Variants in PLEKHA7 observed in about 807,000 individuals in gnomAD.
PLEKHA7 encodes the protein pleckstrin homology domain containing A7.
Under a neutral mutation model 170.0 loss-of-function variants are expected in PLEKHA7, and 104 were observed. The observed-to-expected ratio is 0.61, with a 90% CI of 0.52 to 0.72. The LOEUF is 0.72. Among genes scored for constraint, PLEKHA7 ranks in the 30% least tolerant of loss-of-function variants. The pLI, the probability that PLEKHA7 is intolerant of heterozygous loss-of-function variation, is 0.00. For missense variants in PLEKHA7, 1,615 were observed against 1,671.7 expected, an observed-to-expected ratio of 0.97 and a Z score of 0.59; for synonymous variants, 648 against 660.8, an observed-to-expected ratio of 0.98 and a Z score of 0.30.
chr11:16,887,002 C>T (rs12785711), intron 3 of PLEKHA7, among the ~76,000 whole-genome samples: 5,850 of 152,088 alleles, frequency 0.038, 202 homozygotes, highest in African/African-American at 0.085. Context: ...GATAACCTGT[C>T]TTAGGAGCTA....
chr11:16,807,938 A>C lies in PLEKHA7; in HGVS notation c.2008-4643T>G, dbSNP rs1717552694. Among the ~76,000 whole-genome samples the C allele has an allele frequency of 2.0e-5, 3 of 152,250 alleles. No individual in the cohort carries two copies. In the South Asian group the frequency reaches 6.2e-4, roughly 32 times the overall value. On this transcript the variant is annotated intron_variant, in intron 13 of 26. Transcript: ENST00000531066. Reference sequence around the variant, plus strand: ...TGATTCGAATATGCAGCCAGGATTGAGAAGCACTGCCCTAAAACAGGGGCT... The same window carrying C: ...TGATTCGAATATGCAGCCAGGATTGCGAAGCACTGCCCTAAAACAGGGGCT...
intron 16 of PLEKHA7, 46 bp from the exon 17 acceptor site, chr11:16,801,121 C>A (rs1041342648): frequency 2.0e-6 from 3 of 1,528,222 alleles, no homozygotes; most frequent in Non-Finnish European, 2.7e-6. Context: ...TCCCCTGCCC[C>A]CTTGGAAGGC....
Position 16,791,995 on chromosome 11 carries a change from G to C in PLEKHA7, c.2746-796C>G, listed in dbSNP as rs1847893091. Reference sequence around the variant, plus strand: ...AATTCCCTCTTTCTCGGTCTAATTTGGTTTTGTTTTTAAGAATTTTGCAGA... The same window carrying C: ...AATTCCCTCTTTCTCGGTCTAATTTCGTTTTGTTTTTAAGAATTTTGCAGA... On this transcript the variant is annotated intron_variant, in intron 19 of 26. Transcript: ENST00000531066. This position sits in a 1 kb window ranked among gnomAD's most constrained non-coding sequence, Gnocchi z 4.5. Among the ~76,000 whole-genome samples, 1 of 152,062 alleles carries C rather than the reference G, an allele frequency of 6.6e-6. No homozygotes were observed.
At chr11:16,829,284 T>C (rs1212190457) in intron 9 of PLEKHA7, among the ~76,000 whole-genome samples, 1 of 152,100 alleles carries the variant, frequency 6.6e-6, no homozygotes, top group Non-Finnish European at 1.5e-5. Context: ...CAAAGTTTTA[T>C]GATTACAAGC....
chr11:16,854,800 T>C, intron 6 of PLEKHA7, 89 bp downstream of exon 6: 4 of 1,103,110 alleles, frequency 3.6e-6, no homozygotes, highest in Non-Finnish European at 5.5e-6. Flanking sequence ...AAAGCTTATG[T>C]GCCCATCCCT....
chr11:17,003,997 T>C (rs1339963429), intron 3 of PLEKHA7, among the ~76,000 whole-genome samples: 1 of 152,212 alleles, frequency 6.6e-6, no homozygotes, highest in Non-Finnish European at 1.5e-5. Flanking sequence ...AAGGAGTCTC[T>C]CCGCACTCCT....
At chr11:16,956,682 A>T (rs1339137550) in intron 3 of PLEKHA7, among the ~76,000 whole-genome samples, 3 of 152,194 alleles carry the variant, frequency 2.0e-5, no homozygotes, top group African/African-American at 4.8e-5. Context: ...ATTCCAAAGG[A>T]GGTATGAAGT....
intron 16 of PLEKHA7, among the ~76,000 whole-genome samples, 181 bp from the exon 17 acceptor site, chr11:16,801,256 G>A (rs190770037): frequency 1.1e-3 from 165 of 152,328 alleles, no homozygotes; most frequent in Non-Finnish European, 1.9e-4. Context: ...TTTGTGCTCT[G>A]ACCCTGGTCA....
intron 3 of PLEKHA7, among the ~76,000 whole-genome samples, chr11:16,934,902 TTA>T (rs1860181148): frequency 6.6e-6 from 1 of 152,198 alleles, no homozygotes; most frequent in Non-Finnish European, 1.5e-5. Context: ...AAGAGTCTGG[TTA>T]TAATTAGCAC....
intron 3 of PLEKHA7, among the ~76,000 whole-genome samples, chr11:16,911,800 A>G (rs560043405): frequency 9.9e-5 from 15 of 152,254 alleles, no homozygotes; most frequent in African/African-American, 3.6e-4. Context: ...AAAAAAGTTA[A>G]TCCAGTCTCT....
At chr11:16,855,943 T>G in intron 4 of PLEKHA7, 29 bp from the exon 5 acceptor site, 1 of 1,557,914 alleles carries the variant, frequency 6.4e-7, no homozygotes, top group Admixed American at 1.7e-5. Flanking sequence ...TTCCAGTGAG[T>G]AAAAGCCGAG....
chr11:16,786,235 G>A lies in PLEKHA7; in HGVS notation c.3510C>T (p.Ser1170=). ...LEPQDYDLDI[S]RELSKPEKVS... ...AGGAAGTGCCTGCCCTCACCTCTCT[G>A]CTGATGTCCAAGTCATAGTCTTGAG... Residue 1170 remains serine, a synonymous_variant, in exon 24 of 27, where the codon AGC becomes AGT. Coordinates refer to ENST00000531066, the MANE Select transcript of PLEKHA7 (RefSeq NM_001329630.2). 1.3e-6 allele frequency: 2 copies of A among 1,536,130 alleles called. No homozygotes were observed. Among genetic ancestry groups the A allele is most frequent in the Non-Finnish European group, 1.7e-6 (2 of 1,146,912 alleles).
intron 3 of PLEKHA7, among the ~76,000 whole-genome samples, chr11:16,903,867 C>T (rs895287877): frequency 1.3e-5 from 2 of 152,234 alleles, no homozygotes; most frequent in East Asian, 1.9e-4. Flanking sequence ...CACAGTCAGA[C>T]AGCAAACAGG....
intron 3 of PLEKHA7, among the ~76,000 whole-genome samples, chr11:16,904,817 G>A (rs923871180): frequency 2.0e-5 from 3 of 152,118 alleles, no homozygotes; most frequent in Non-Finnish European, 4.4e-5. Flanking sequence ...AATAAGAAAT[G>A]TTTAGACATA....
intron 3 of PLEKHA7, among the ~76,000 whole-genome samples, chr11:16,929,997 C>T (rs947016481): frequency 4.7e-5 from 7 of 149,250 alleles, no homozygotes; most frequent in Non-Finnish European, 8.9e-5. Flanking sequence ...AGTGAGACTC[C>T]GTCTCAAAAA....
rs746401304 is a variant in PLEKHA7, at chr11:16,790,867, C to T, written c.2983G>A (p.Gly995Arg). ...VSEPELATLS[G>R]DMAQPSLGLV... ...CCTAGGGAGGGCTGGGCCATGTCCC[C>T]GCTGAGGGTCGCCAGCTCAGGCTCA... Residue 995 changes from glycine (G) to arginine (R), a missense_variant, in exon 21 of 27, where the codon GGG becomes AGG. Physicochemically the swap from Gly to Arg is moderately radical, Grantham distance 125 (BLOSUM62 -2). Transcript: ENST00000531066. The T allele has an allele frequency of 6.3e-5, 101 of 1,611,162 alleles. No homozygotes were observed. The East Asian group carries it at 1.8e-3, about 29-fold the overall frequency.
intron 3 of PLEKHA7, among the ~76,000 whole-genome samples, chr11:17,010,872 G>A (rs955017768): frequency 1.3e-5 from 2 of 152,094 alleles, no homozygotes; most frequent in African/African-American, 2.4e-5. Flanking sequence ...GGGGGGCGGG[G>A]GATGAGGGAG....
chr11:16,902,645 G>A (rs1288211824), intron 3 of PLEKHA7, among the ~76,000 whole-genome samples: 3 of 151,972 alleles, frequency 2.0e-5, no homozygotes, highest in South Asian at 4.2e-4. Context: ...TATCTTCTTT[G>A]GCCCAGCTTG....
chr11:16,979,878 T>C (rs1302513548), intron 3 of PLEKHA7, among the ~76,000 whole-genome samples: 1 of 152,176 alleles, frequency 6.6e-6, no homozygotes, highest in Non-Finnish European at 1.5e-5. Context: ...CAGGTCTGTG[T>C]ACACAGGCAG....
Sources: allele counts gnomAD v4.1 joint callset (sites outside exome capture counted in the v4.1 genomes callset), GRCh38; gene constraint gnomAD v4.1.1; non-coding constraint Gnocchi (gnomAD v3.1); transcripts MANE v1.5; gene names NCBI Gene and HGNC (gene_info 2026-07-23, HGNC 2026-07-21).